The following ROS1 variants were observed in gnomAD, a reference collection of about 807,000 sequenced individuals.
ROS1 encodes the protein ROS proto-oncogene 1, receptor tyrosine kinase, also known as proto-oncogene tyrosine-protein kinase ROS.
In ROS1, 263 loss-of-function variants were observed where a neutral mutation model predicts 273.5. The ratio of observed to expected loss-of-function variants is 0.96; its 90% CI spans 0.87 to 1.06. ROS1 has a LOEUF of 1.06. ROS1 is among the 50% of genes least tolerant of loss of function. The pLI is 0.00. For synonymous variants in ROS1, 1,008 were observed against 954.1 expected (o/e 1.06, Z -1.04); for missense variants, 2,833 against 2,751.1 (o/e 1.03, Z -0.67).
At chr6:117,413,269 G>GT (rs552733392) in intron 4 of ROS1, among the ~76,000 whole-genome samples, 3 of 152,052 alleles carry the variant, frequency 2.0e-5, no homozygotes, top group Admixed American at 6.6e-5. Flanking sequence ...AGGTTTTAAA[G>GT]TTTTTTTTCT....
At chr6:117,371,689 G>A (rs1431196448) in intron 18 of ROS1, among the ~76,000 whole-genome samples, 1 of 152,176 alleles carries the variant, frequency 6.6e-6, no homozygotes, top group Admixed American at 6.5e-5. Context: ...CTTGTAACCT[G>A]CGGCAAGTTC....
intron 32 of ROS1, among the ~76,000 whole-genome samples, chr6:117,329,761 C>T (rs1392721419): frequency 6.6e-6 from 1 of 152,052 alleles, no homozygotes; most frequent in African/African-American, 2.4e-5. Flanking sequence ...GAACCCCCTC[C>T]CCTCCAGCCA....
chr6:117,355,564 A>G (rs142044060), intron 26 of ROS1, among the ~76,000 whole-genome samples: 40 of 152,246 alleles, frequency 2.6e-4, no homozygotes, highest in African/African-American at 8.4e-4. Context: ...GAGCACTTGA[A>G]GTTTAGCTAG....
intron 26 of ROS1, among the ~76,000 whole-genome samples, chr6:117,353,798 T>C (rs1232755202): frequency 6.6e-6 from 1 of 152,224 alleles, no homozygotes; most frequent in African/African-American, 2.4e-5. Context: ...TAATAATGAA[T>C]GTGGAAAAGA....
intron 18 of ROS1, among the ~76,000 whole-genome samples, chr6:117,377,438 G>C (rs1314060684): frequency 1.3e-5 from 2 of 151,944 alleles, no homozygotes; most frequent in Non-Finnish European, 2.9e-5. Flanking sequence ...AGGTCCCAAA[G>C]CAACTAAATA....
In ROS1 at chr6:117,366,204, A is replaced by G; in HGVS notation, c.2669T>C (p.Leu890Pro). 6.2e-7 allele frequency: 1 copy of G among 1,614,100 alleles called. No individual in the cohort carries two copies. Among genetic ancestry groups the G allele is most frequent in the Non-Finnish European group, 8.5e-7 (1 of 1,179,984 alleles). ...AATCCTAAAGCCATTGATCCAGAAC[A>G]GCCGACCACTATAGTACATCAGTGC... ...QNALMYYSGRLFWINGFRIIT... is the reference protein window; with the variant it reads ...QNALMYYSGRPFWINGFRIIT... The change falls in exon 19 of 44, where the codon CTG (leucine) becomes CCG (proline). Residue 890 changes from leucine (L) to proline (P), a missense_variant. Physicochemically the swap from Leu to Pro is moderately conservative, Grantham distance 98. Transcript: ENST00000368507.
Position 117,341,432 on chromosome 6 carries a change from T to C in ROS1, c.4852A>G (p.Arg1618Gly). 1 of 1,613,822 alleles carries C rather than the reference T, an allele frequency of 6.2e-7. No individual in the cohort carries two copies. Among genetic ancestry groups the C allele is most frequent in the African/African-American group, 1.3e-5 (1 of 75,032 alleles). ...PNGRLTLLVT[R>G]LSGGNIYVLK... is the part of the protein sequence containing the mutation. Reference sequence around the variant, plus strand: ...ACATAAATATTTCCACCAGACAGTCTAGTAACAAGGAGAGTGAGCCTTCCA... The same window carrying C: ...ACATAAATATTTCCACCAGACAGTCCAGTAACAAGGAGAGTGAGCCTTCCA... The change falls in exon 30 of 44, where the codon AGA (arginine) becomes GGA (glycine). Residue 1618 changes from arginine (R) to glycine (G), a missense_variant. Transcript: ENST00000368507.
Position 117,393,285 on chromosome 6 carries a change from C to T in ROS1, c.1228G>A (p.Glu410Lys), listed in dbSNP as rs775340905. The change falls in exon 12 of 44, where the codon GAG (glutamate) becomes AAG (lysine). Residue 410 changes from glutamate to lysine, a missense_variant. By Grantham distance (56) the Glu-to-Lys change is moderately conservative. Transcript: ENST00000368507. ...CTAATAGAGGGTGGAGTAATTTCCT[C>T]GATGTTTGAGCAGTTCTCTAAATCA... ...VCDLENCSNI[E>K]EITPPSISAP... 53 of 1,612,246 alleles carry T rather than the reference C, an allele frequency of 3.3e-5. No homozygotes were observed. The Middle Eastern group carries it at 6.6e-4, about 20-fold the overall frequency.
chr6:117,357,924 G>T lies in ROS1; in HGVS notation c.3719C>A (p.Ser1240Ter). 6.2e-7 allele frequency: 1 copy of T among 1,613,380 alleles called. No individual in the cohort carries two copies. The highest frequency in any genetic ancestry group is 8.5e-7 in the Non-Finnish European group (1 of 1,179,472). Reference sequence around the variant, plus strand: ...ATCAAATACTTGCATTCCATTTTGTGATTCTTTCAGTGCAAAGTAGAGGTG... The same window carrying T: ...ATCAAATACTTGCATTCCATTTTGTTATTCTTTCAGTGCAAAGTAGAGGTG... ...SRHLYFALKESQNGMQVFDVD... is the reference protein window; with the variant it reads ...SRHLYFALKE The change falls in exon 25 of 44, where the codon TCA (serine) becomes TAA (stop). Residue 1240 changes from serine (S) to a stop codon, truncating the protein, a stop_gained. Transcript: ENST00000368507. LOFTEE classifies it high-confidence loss of function.
chr6:117,368,635 A>G (rs1337298914), intron 18 of ROS1, among the ~76,000 whole-genome samples: 1 of 152,204 alleles, frequency 6.6e-6, no homozygotes, highest in Non-Finnish European at 1.5e-5. Context: ...TTTAGTTTTA[A>G]TTAACTTGTG....
At chr6:117,401,819 A>T (rs1476271825) in intron 7 of ROS1, among the ~76,000 whole-genome samples, 6 of 151,476 alleles carry the variant, frequency 4.0e-5, no homozygotes, top group Admixed American at 3.3e-4. Flanking sequence ...AAAAAAAAAA[A>T]AAAAACAGGA....
chr6:117,298,393 C>T (rs185154383), intron 43 of ROS1, among the ~76,000 whole-genome samples: 2 of 152,210 alleles, frequency 1.3e-5, no homozygotes, highest in East Asian at 3.9e-4. Flanking sequence ...GCCAAGCAAG[C>T]AAAACCATGT....
chr6:117,421,237 C>G (rs13197031), intron 1 of ROS1, among the ~76,000 whole-genome samples: 26,304 of 146,642 alleles, frequency 0.18, 2,439 homozygotes, highest in Non-Finnish European at 0.21. Context: ...TATTATATTG[C>G]AATATATATA....
At chr6:117,356,230 A>G (rs534974600) in intron 26 of ROS1, among the ~76,000 whole-genome samples, 96 of 152,276 alleles carry the variant, frequency 6.3e-4, no homozygotes, top group African/African-American at 2.1e-3. Flanking sequence ...AACTCCTTCT[A>G]ACTAACTGTG....
intron 7 of ROS1, 127 bp downstream of exon 7, chr6:117,403,012 T>C (rs1774077934): frequency 1.0e-6 from 1 of 1,000,210 alleles, no homozygotes; most frequent in South Asian, 1.5e-5. Flanking sequence ...CACATAGTTA[T>C]GTACCCAGTT....
chr6:117,307,309 G>A (rs1042124381), intron 42 of ROS1, among the ~76,000 whole-genome samples: 5 of 152,104 alleles, frequency 3.3e-5, no homozygotes, highest in African/African-American at 9.7e-5. Context: ...GACGAGGCAC[G>A]TTAACCCTTG....
chr6:117,377,489 C>A (rs1229606477), intron 18 of ROS1, among the ~76,000 whole-genome samples: 2 of 152,080 alleles, frequency 1.3e-5, no homozygotes, highest in South Asian at 4.1e-4. Context: ...GCTAGAACAA[C>A]TGGATATCCC....
chr6:117,413,740 G>A (rs905306184), intron 4 of ROS1, among the ~76,000 whole-genome samples: 1 of 152,050 alleles, frequency 6.6e-6, no homozygotes, highest in African/African-American at 2.4e-5. Context: ...CCAGCACTTC[G>A]GGAGGCTGAG....
chr6:117,314,075 C>CT (rs1775733260), intron 39 of ROS1, among the ~76,000 whole-genome samples: 3 of 151,932 alleles, frequency 2.0e-5, no homozygotes, highest in Admixed American at 1.3e-4. Context: ...TTCAGTCCAT[C>CT]CTTTTTCATC....
Sources: allele counts gnomAD v4.1 joint callset (sites outside exome capture counted in the v4.1 genomes callset), GRCh38; gene constraint gnomAD v4.1.1; transcripts MANE v1.5; gene names NCBI Gene and HGNC (gene_info 2026-07-23, HGNC 2026-07-21).